The following CDH18 variants were observed in gnomAD, a reference collection of about 807,000 sequenced individuals.
CDH18 encodes the protein cadherin 18, also known as cadherin-18.
CDH18 carries 31 observed loss-of-function variants against 67.9 expected under a neutral mutation model. That is an observed-to-expected ratio of 0.46 (90% CI 0.34 to 0.62). The LOEUF is 0.62. Among genes scored for constraint, CDH18 ranks in the 20% least tolerant of loss-of-function variants. The pLI, the probability that CDH18 is intolerant of heterozygous loss-of-function variation, is 0.01. For missense variants in CDH18, 890 were observed against 975.5 expected, an observed-to-expected ratio of 0.91 and a Z score of 1.17; for synonymous variants, 362 against 347.2, an observed-to-expected ratio of 1.04 and a Z score of -0.48.
chr5:20,294,122 T>A (rs561367791), intron 1 of CDH18, among the ~76,000 whole-genome samples: 10 of 152,166 alleles, frequency 6.6e-5, no homozygotes, highest in Non-Finnish European at 1.5e-4. Context: ...TTTACCACCT[T>A]TAATCTTTTC....
intron 1 of CDH18, among the ~76,000 whole-genome samples, chr5:20,259,805 A>G (rs539659061): frequency 6.6e-6 from 1 of 152,066 alleles, no homozygotes; most frequent in Non-Finnish European, 1.5e-5. Flanking sequence ...TAAATGCCAC[A>G]GATGCTGCCT....
chr5:20,226,865 C>A (rs1323004441), intron 2 of CDH18, among the ~76,000 whole-genome samples: 1 of 151,900 alleles, frequency 6.6e-6, no homozygotes, highest in Non-Finnish European at 1.5e-5. Context: ...ATACACACAC[C>A]TATTTGCTCC....
intron 2 of CDH18, among the ~76,000 whole-genome samples, chr5:20,183,463 C>A (rs1737856690): frequency 6.6e-6 from 1 of 151,728 alleles, no homozygotes; most frequent in African/African-American, 2.4e-5. Context: ...ACCATTTTAT[C>A]TTAGTCATGG....
chr5:20,492,516 T>G (rs992957), intron 1 of CDH18, among the ~76,000 whole-genome samples: 59,713 of 152,024 alleles, frequency 0.39, 13,652 homozygotes, highest in East Asian at 0.55. Context: ...AATACAGTTC[T>G]TCATTTCAAA....
intron 2 of CDH18, among the ~76,000 whole-genome samples, chr5:20,021,917 A>G (rs1738458631): frequency 6.6e-6 from 1 of 152,216 alleles, no homozygotes; most frequent in Admixed American, 6.5e-5. Context: ...TGGACACAGC[A>G]ATTGATAATA....
At chr5:19,609,381 G>T (rs1748588626) in intron 6 of CDH18, among the ~76,000 whole-genome samples, 1 of 151,872 alleles carries the variant, frequency 6.6e-6, no homozygotes, top group Non-Finnish European at 1.5e-5. Context: ...CTTGTAGTTG[G>T]GCATGCATTA....
At chr5:19,770,472 C>G (rs1018203425) in intron 3 of CDH18, among the ~76,000 whole-genome samples, 1 of 152,092 alleles carries the variant, frequency 6.6e-6, no homozygotes, top group Non-Finnish European at 1.5e-5. Flanking sequence ...ACATAGTTTT[C>G]TAATGTAATT....
intron 2 of CDH18, among the ~76,000 whole-genome samples, chr5:19,847,704 T>C (rs1017861384): frequency 6.6e-6 from 1 of 152,090 alleles, no homozygotes; most frequent in Admixed American, 6.6e-5. Flanking sequence ...TCTTCCAGTC[T>C]TTACAAAATG....
At chr5:20,325,138 G>A (rs1561972471) in intron 1 of CDH18, among the ~76,000 whole-genome samples, 1 of 152,176 alleles carries the variant, frequency 6.6e-6, no homozygotes, top group Non-Finnish European at 1.5e-5. Context: ...GCAATGATCA[G>A]ACATTGAAAA....
At chr5:19,710,143 A>G (rs1764530823) in intron 5 of CDH18, among the ~76,000 whole-genome samples, 1 of 152,178 alleles carries the variant, frequency 6.6e-6, no homozygotes, top group East Asian at 1.9e-4. Context: ...TCAAAAAACA[A>G]AAATAAAACA....
intron 1 of CDH18, among the ~76,000 whole-genome samples, chr5:20,496,977 A>ACTCC (rs1472217473): frequency 6.6e-6 from 1 of 152,112 alleles, no homozygotes; most frequent in Non-Finnish European, 1.5e-5. Flanking sequence ...GGGTGGGGCA[A>ACTCC]AATTGTTCAG....
intron 3 of CDH18, among the ~76,000 whole-genome samples, chr5:19,833,865 T>C (rs973984259): frequency 6.6e-6 from 1 of 152,058 alleles, no homozygotes; most frequent in African/African-American, 2.4e-5. Flanking sequence ...ATCCCAGGGA[T>C]GAAGCTAACT....
intron 2 of CDH18, among the ~76,000 whole-genome samples, chr5:20,051,739 G>A (rs1741436375): frequency 1.3e-5 from 2 of 151,962 alleles, no homozygotes. Context: ...ATGGTAACTG[G>A]AAATATACAT....
At chr5:20,490,883 C>T (rs1052852023) in intron 1 of CDH18, among the ~76,000 whole-genome samples, 9 of 152,068 alleles carry the variant, frequency 5.9e-5, no homozygotes, top group Non-Finnish European at 1.2e-4. Flanking sequence ...TAGCTCTTCT[C>T]ATAATTACCT....
At chr5:20,145,393 C>T (rs1161107456) in intron 2 of CDH18, among the ~76,000 whole-genome samples, 1 of 152,064 alleles carries the variant, frequency 6.6e-6, no homozygotes, top group Non-Finnish European at 1.5e-5. Flanking sequence ...GATAAACTTC[C>T]TCATTTTTCA....
At chr5:20,305,654 G>A (rs1333363327) in intron 1 of CDH18, 3 of 428,084 alleles carry the variant, frequency 7.0e-6, no homozygotes, top group Non-Finnish European at 8.6e-6. Flanking sequence ...GGGGGTGGGG[G>A]GAGCGGCGGT....
intron 3 of CDH18, among the ~76,000 whole-genome samples, chr5:19,824,430 T>C (rs910880365): frequency 3.9e-5 from 6 of 152,162 alleles, no homozygotes; most frequent in African/African-American, 1.4e-4. Context: ...AGGGGATTCA[T>C]GTTCTCCACA....
chr5:19,562,974 G>C (rs1406921091), intron 8 of CDH18, among the ~76,000 whole-genome samples: 2 of 152,010 alleles, frequency 1.3e-5, no homozygotes, highest in Non-Finnish European at 2.9e-5. Context: ...ATAAAATTAA[G>C]AGCAAGTTTA....
intron 2 of CDH18, among the ~76,000 whole-genome samples, chr5:20,198,831 T>G (rs1739206405): frequency 6.6e-6 from 1 of 152,176 alleles, no homozygotes; most frequent in South Asian, 2.1e-4. Flanking sequence ...GTGACCCAGT[T>G]GCTCCAGCTG....
Sources: gnomAD v4.1 joint callset for allele counts (sites outside exome capture counted in the v4.1 genomes callset) on GRCh38, gnomAD v4.1.1 for gene constraint, MANE v1.5 for transcripts, NCBI Gene and HGNC (gene_info 2026-07-23, HGNC 2026-07-21) for gene names.